ACVR1C: variants seen among roughly 807,000 people sequenced by gnomAD.
ACVR1C encodes the protein activin A receptor type 1C, also known as activin receptor type-1C.
ACVR1C carries 23 observed loss-of-function variants against 57.9 expected under a neutral mutation model. The observed-to-expected ratio is 0.40, with a 90% CI of 0.29 to 0.56. The LOEUF (loss-of-function observed/expected upper bound fraction) is 0.56, where lower values mean the gene tolerates loss of function less well. ACVR1C is among the 20% of genes least tolerant of loss of function. The pLI is 0.50. For missense variants in ACVR1C, 480 were observed against 607.9 expected (o/e 0.79, Z 2.21); for synonymous variants, 214 against 215.3 (o/e 0.99, Z 0.05).
At chr2:157,541,680 G>A (rs1310635398) in intron 6 of ACVR1C, among the ~76,000 whole-genome samples, 1 of 152,162 alleles carries the variant, frequency 6.6e-6, no homozygotes, top group African/African-American at 2.4e-5. Context: ...TTCTTGTATA[G>A]GGAAAAGAAG....
intron 2 of ACVR1C, among the ~76,000 whole-genome samples, chr2:157,557,164 C>A (rs1227301583): frequency 2.0e-3 from 256 of 130,946 alleles, no homozygotes; most frequent in South Asian, 2.3e-3. Context: ...AATGGTGCTA[C>A]AAAAAAAAAA....
At chr2:157,568,049 G>A (rs1321674321) in intron 2 of ACVR1C, among the ~76,000 whole-genome samples, 1 of 150,540 alleles carries the variant, frequency 6.6e-6, no homozygotes, top group African/African-American at 2.4e-5. Context: ...AGAAGAGAGT[G>A]GGGGCCAATA....
At chr2:157,551,830 C>G (rs929249774) in intron 3 of ACVR1C, among the ~76,000 whole-genome samples, 2 of 152,170 alleles carry the variant, frequency 1.3e-5, no homozygotes, top group Non-Finnish European at 2.9e-5. Flanking sequence ...AGTCACTGTT[C>G]ATTCACATGT....
At chr2:157,587,766 C>A (rs1297204826) in intron 1 of ACVR1C, among the ~76,000 whole-genome samples, 1 of 152,004 alleles carries the variant, frequency 6.6e-6, no homozygotes, top group Non-Finnish European at 1.5e-5. Flanking sequence ...TCACAGCAAC[C>A]AAGGGGAGCT....
intron 4 of ACVR1C, 37 bp downstream of exon 4, chr2:157,550,125 A>G: frequency 1.3e-6 from 2 of 1,594,472 alleles, no homozygotes; most frequent in Non-Finnish European, 1.7e-6. Flanking sequence ...TCTAGACAGC[A>G]TTTTTTACTT....
intron 2 of ACVR1C, among the ~76,000 whole-genome samples, chr2:157,578,202 G>A (rs1377449610): frequency 6.6e-6 from 1 of 152,178 alleles, no homozygotes; most frequent in Non-Finnish European, 1.5e-5. Flanking sequence ...ACCATGCCCA[G>A]ACCTCCTGAC....
chr2:157,554,203 GA>G (rs199615042), intron 3 of ACVR1C, among the ~76,000 whole-genome samples: 7 of 46,868 alleles, frequency 1.5e-4, no homozygotes, highest in African/African-American at 8.1e-4. Context: ...AAAGAAGAGA[GA>G]AAGAAAGAAA....
At chr2:157,566,488 A>G (rs1399062066) in intron 2 of ACVR1C, among the ~76,000 whole-genome samples, 2 of 152,198 alleles carry the variant, frequency 1.3e-5, no homozygotes, top group Non-Finnish European at 2.9e-5. Context: ...CAGTGGGCGC[A>G]GGCCAGTGTG....
At chr2:157,616,037 C>T (rs1217447073) in intron 1 of ACVR1C, among the ~76,000 whole-genome samples, 2 of 152,116 alleles carry the variant, frequency 1.3e-5, no homozygotes, top group Non-Finnish European at 2.9e-5. Context: ...AGCTTCTGTG[C>T]TTGGTGGTTT....
At chr2:157,595,247 T>G (rs964056629) in intron 1 of ACVR1C, among the ~76,000 whole-genome samples, 3 of 152,244 alleles carry the variant, frequency 2.0e-5, no homozygotes, top group Admixed American at 6.5e-5. Context: ...AGTCTTCTCC[T>G]TCCTGCCTTT....
At chr2:157,551,380 A>T (rs1009059349) in intron 3 of ACVR1C, among the ~76,000 whole-genome samples, 3 of 152,238 alleles carry the variant, frequency 2.0e-5, no homozygotes, top group Non-Finnish European at 4.4e-5. Context: ...TGTTAATCTT[A>T]GGATGGCTTA....
At chr2:157,560,306 A>G (rs1688204579) in intron 2 of ACVR1C, among the ~76,000 whole-genome samples, 1 of 152,208 alleles carries the variant, frequency 6.6e-6, no homozygotes, top group Non-Finnish European at 1.5e-5. Context: ...GATGTTTATG[A>G]GATTTACATG....
At position 157,544,481 on chromosome 2, in the gene ACVR1C, G is replaced by C; in HGVS notation, c.907C>G (p.Leu303Val). The stretch of plus-strand genomic sequence containing the variant: ...ACAATCTCCATATGAAGGTGTGCCA[G>C]ACCACTAGCAATTGAGAGCGCCAGC... ...IKLALSIASGLAHLHMEIVGT... is the reference protein window; with the variant it reads ...IKLALSIASGVAHLHMEIVGT... The change falls in exon 5 of 9, where the codon CTG becomes GTG. Residue 303 changes from leucine (L) to valine (V), a missense_variant. By Grantham distance (32) the Leu-to-Val change is conservative (BLOSUM62 1). Transcript: ENST00000243349. 6.2e-7 allele frequency: 1 copy of C among 1,613,778 alleles called. No individual in the cohort carries two copies. The highest frequency in any genetic ancestry group is 8.5e-7 in the Non-Finnish European group (1 of 1,179,858).
At chr2:157,624,913 A>G (rs185578171) in intron 1 of ACVR1C, among the ~76,000 whole-genome samples, 36 of 152,352 alleles carry the variant, frequency 2.4e-4, no homozygotes, top group Admixed American at 2.4e-3. Context: ...CTTGTGTTCC[A>G]TGTCATACTT....
At chr2:157,596,990 G>C (rs1392189451) in intron 1 of ACVR1C, among the ~76,000 whole-genome samples, 2 of 152,142 alleles carry the variant, frequency 1.3e-5, no homozygotes, top group East Asian at 3.9e-4. Context: ...ACTGAATCCG[G>C]CTGGGGCTGC....
Position 157,538,532 on chromosome 2 carries a change from AAAAT to A in ACVR1C, c.1356+37_1356+40del, listed in dbSNP as rs370457865. ...AAAAGTCTCCCCGATACTCACCTCA[AAAAT>A]ATAATAAGAAAAATATAGATAAAAA... On this transcript the variant is annotated intron_variant, in intron 8 of 8. Coordinates refer to ENST00000243349, the MANE Select transcript of ACVR1C (RefSeq NM_145259.3). The A allele has an allele frequency of 9.1e-4, 1,356 of 1,497,900 alleles. 13 individuals carry two copies. In the African/African-American group the frequency reaches 0.017, roughly 19 times the overall value. The allele number at this position is 1,497,900 out of a possible 1,614,324, so 92.8% of individuals were successfully genotyped here. A position where few individuals can be genotyped will look rare whatever the true frequency, so the allele number is the denominator to read the frequency against.
Position 157,587,487 on chromosome 2 carries a change from G to T in ACVR1C, c.74-70C>A, listed in dbSNP as rs181922361. Reference sequence around the variant, plus strand: ...TGCTACTTTATTTGATAATACCTGGGAATATAAATTCAATCTTAATGAAAA... The same window carrying T: ...TGCTACTTTATTTGATAATACCTGGTAATATAAATTCAATCTTAATGAAAA... On this transcript the variant is annotated intron_variant, in intron 1 of 8. Transcript: ENST00000243349. 2.0e-4 allele frequency: 224 copies of T among 1,146,550 alleles called. 1 individual carries two copies. In the Admixed American group the frequency reaches 4.4e-3, roughly 23 times the overall value. The allele number at this position is 1,146,550 out of a possible 1,614,324, so 71.0% of individuals were successfully genotyped here.
chr2:157,563,764 C>G (rs1688296241), intron 2 of ACVR1C, among the ~76,000 whole-genome samples: 1 of 152,210 alleles, frequency 6.6e-6, no homozygotes, highest in African/African-American at 2.4e-5. Context: ...GGTACCAAAA[C>G]AGACATATAG....
chr2:157,539,928 T>C (rs997031370), intron 7 of ACVR1C, among the ~76,000 whole-genome samples: 3 of 152,220 alleles, frequency 2.0e-5, no homozygotes, highest in Non-Finnish European at 1.5e-5. Context: ...AATTTTAACC[T>C]TAGAAGCTTT....
Sources: allele counts gnomAD v4.1 joint callset (sites outside exome capture counted in the v4.1 genomes callset), GRCh38; gene constraint gnomAD v4.1.1; transcripts MANE v1.5; gene names NCBI Gene and HGNC (gene_info 2026-07-23, HGNC 2026-07-21).